OTOA: variants seen among roughly 807,000 people sequenced by gnomAD.
The protein encoded by OTOA is otoancorin, also known as cancer/testis antigen 108.
A neutral mutation model predicts 110.8 loss-of-function variants in OTOA; 70 were observed. That is an observed-to-expected ratio of 0.63 (90% CI 0.52 to 0.77). OTOA has a LOEUF of 0.77. Among genes scored for constraint, OTOA ranks in the 30% least tolerant of loss-of-function variants. The pLI is 0.00. For synonymous variants in OTOA, 373 were observed against 431.5 expected (o/e 0.86, Z 1.68); for missense variants, 917 against 1,075.8 (o/e 0.85, Z 2.06).
rs186658975 is a variant in OTOA at position 21,701,399 on chromosome 16, A to G, written c.980+372A>G. Among the ~76,000 whole-genome samples, 20 of 152,298 alleles carry G rather than the reference A, an allele frequency of 1.3e-4. No homozygotes were observed. The East Asian group carries it at 3.9e-3, about 29-fold the overall frequency. ...TTGAGTCAAGTGTTGGAAATAACTC[A>G]TGGGTCCCCATATATGAGAACCGCT... On this transcript the variant is annotated intron_variant, in intron 11 of 28. Coordinates refer to ENST00000646100, the MANE Select transcript of OTOA (RefSeq NM_144672.4).
intron 1 of OTOA, among the ~76,000 whole-genome samples, chr16:21,667,314 A>G (rs1445406202): frequency 6.6e-6 from 1 of 152,188 alleles, no homozygotes; most frequent in Admixed American, 6.5e-5. Flanking sequence ...AAAATAATCC[A>G]TTTGCATAAC....
rs554593972 is a variant in OTOA at position 21,699,241 on chromosome 16, C to T, written c.840+1366C>T. On this transcript the variant is annotated intron_variant, in intron 10 of 28. Transcript: ENST00000646100. The stretch of plus-strand genomic sequence containing the variant: ...TGCTGGTATTACAGGTGTGAGACAC[C>T]GCACCCAGCCTAAAAAGGAATTTTA... Among the ~76,000 whole-genome samples, 43 of 152,170 alleles carry T rather than the reference C, an allele frequency of 2.8e-4. 1 individual carries two copies. The highest frequency in any genetic ancestry group is 1.0e-3 in the African/African-American group (42 of 41,536).
chr16:21,668,955 A>G (rs1312333396), intron 1 of OTOA, among the ~76,000 whole-genome samples: 2 of 152,028 alleles, frequency 1.3e-5, no homozygotes, highest in East Asian at 1.9e-4. Flanking sequence ...CGTCTTGGCA[A>G]TGGGGGTGCC....
At chr16:21,695,880 TATATATATA>T (rs1339091925) in intron 9 of OTOA, among the ~76,000 whole-genome samples, 5 of 44,866 alleles carry the variant, frequency 1.1e-4, no homozygotes, top group African/African-American at 5.8e-4. Context: ...TATATATATA[TATATATATA>T]TATTTTTTTT....
chr16:21,759,990 G>A (rs1034530216), intron 28 of OTOA, among the ~76,000 whole-genome samples: 2 of 151,854 alleles, frequency 1.3e-5, no homozygotes, highest in African/African-American at 4.8e-5. Flanking sequence ...AAGTGATGAG[G>A]GCCCCTTAAA....
At chr16:21,709,582 A>G (rs1898292400) in intron 12 of OTOA, among the ~76,000 whole-genome samples, 1 of 152,202 alleles carries the variant, frequency 6.6e-6, no homozygotes, top group Non-Finnish European at 1.5e-5. Context: ...AGTGTGGTGT[A>G]GTTATAAAAG....
intron 1 of OTOA, among the ~76,000 whole-genome samples, chr16:21,669,142 G>A (rs1239016904): frequency 6.6e-6 from 1 of 152,002 alleles, no homozygotes; most frequent in Non-Finnish European, 1.5e-5. Context: ...TCATGAGTTT[G>A]AGACCAGCCT....
At chr16:21,716,250 G>A (rs549943711) in intron 14 of OTOA, among the ~76,000 whole-genome samples, 41 of 151,164 alleles carry the variant, frequency 2.7e-4, no homozygotes, top group African/African-American at 9.4e-4. Context: ...TATCAGGTCC[G>A]TTCTGTCCAA....
At chr16:21,703,143 A>G (rs1469406143) in intron 11 of OTOA, among the ~76,000 whole-genome samples, 1 of 152,140 alleles carries the variant, frequency 6.6e-6, no homozygotes, top group Non-Finnish European at 1.5e-5. Context: ...ATCTACTCTT[A>G]GCAATTTTTG....
chr16:21,697,165 T>A (rs988286657), intron 9 of OTOA, among the ~76,000 whole-genome samples: 1 of 149,926 alleles, frequency 6.7e-6, no homozygotes, highest in Non-Finnish European at 1.5e-5. Flanking sequence ...TACAGGTGCC[T>A]GGCCAGAAAG....
intron 19 of OTOA, among the ~76,000 whole-genome samples, chr16:21,727,844 G>A (rs954594997): frequency 1.3e-5 from 2 of 151,324 alleles, no homozygotes; most frequent in Non-Finnish European, 2.9e-5. Flanking sequence ...GAATCTTTAA[G>A]AAGTTTGGGA....
chr16:21,719,368 G>A lies in OTOA; in HGVS notation c.1689-19G>A. 6.2e-7 allele frequency: 1 copy of A among 1,610,646 alleles called. No individual in the cohort carries two copies. The highest frequency in any genetic ancestry group is 8.5e-7 in the Non-Finnish European group (1 of 1,176,940). On this transcript the variant is annotated intron_variant, in intron 16 of 28. Transcript: ENST00000646100. The stretch of plus-strand genomic sequence containing the variant: ...TCCTCACTTCCTTCCTCTCCCGAGT[G>A]CCTTGTTTTGTTTTCTAGTGCTGGG...
In OTOA at chr16:21,728,384, C is replaced by T. The variant is rs1313592548; in HGVS notation, c.2160C>T (p.Asn720=). 5.0e-6 allele frequency: 8 copies of T among 1,614,146 alleles called. No individual in the cohort carries two copies. The highest frequency in any genetic ancestry group is 1.3e-5 in the African/African-American group (1 of 75,040). ...LHGLRDCPDL[N]PEQKAAVRLK... is the part of the protein sequence containing the mutation. ...GCCTCAGAGACTGCCCAGACCTCAA[C>T]CCTGAGCAAAAGGCTGCAGTGAGGC... The change falls in exon 20 of 29, where the codon AAC becomes AAT. Residue 720 remains asparagine (N), a synonymous_variant. Coordinates refer to ENST00000646100, the MANE Select transcript of OTOA (RefSeq NM_144672.4).
intron 12 of OTOA, among the ~76,000 whole-genome samples, chr16:21,707,916 C>T (rs1358212197): frequency 6.6e-6 from 1 of 151,518 alleles, no homozygotes; most frequent in Non-Finnish European, 1.5e-5. Context: ...GCCTCAGCCT[C>T]CTGAGTAGCT....
intron 14 of OTOA, among the ~76,000 whole-genome samples, chr16:21,716,257 C>A (rs893980540): frequency 3.3e-5 from 5 of 151,602 alleles, no homozygotes; most frequent in Admixed American, 2.6e-4. Flanking sequence ...TCCGTTCTGT[C>A]CAATGGCAAA....
Position 21,685,337 on chromosome 16 carries a change from C to T in OTOA, c.375C>T (p.Leu125=), listed in dbSNP as rs770570982. Residue 125 remains leucine (L), a synonymous_variant, in exon 7 of 29, where the codon CTC becomes CTT. Transcript: ENST00000646100. The part of the protein sequence containing the change: ...AQQFRTAMKC[L]LEDKKDGLDL... ...AGTTCCGCACTGCCATGAAATGCCT[C>T]TTAGAAGACAAGAAGGACGGCTTGG... is the stretch of plus-strand genomic sequence containing the variant. 9 of 1,612,608 alleles carry T rather than the reference C, an allele frequency of 5.6e-6. 1 individual carries two copies. In the South Asian group the frequency reaches 7.7e-5, roughly 14 times the overall value.
At chr16:21,688,675 TCC>T (rs1897767584) in intron 8 of OTOA, among the ~76,000 whole-genome samples, 1 of 152,084 alleles carries the variant, frequency 6.6e-6, no homozygotes, top group African/African-American at 2.4e-5. Flanking sequence ...TCTCGCTGTG[TCC>T]CCTTGTGGTG....
chr16:21,714,315 T>TCCTTCCTG (rs1481865555), intron 13 of OTOA, among the ~76,000 whole-genome samples: 42 of 133,706 alleles, frequency 3.1e-4, no homozygotes, highest in African/African-American at 9.0e-4. Context: ...CTTCCTTCCT[T>TCCTTCCTG]CCTTCCTTCC....
intron 14 of OTOA, 127 bp downstream of exon 14, chr16:21,715,279 T>C: frequency 7.9e-7 from 1 of 1,269,742 alleles, no homozygotes; most frequent in South Asian, 1.2e-5. Flanking sequence ...GTGTCTGGGG[T>C]GGCTCTGCCT....
Sources: gnomAD v4.1 joint callset for allele counts (sites outside exome capture counted in the v4.1 genomes callset) on GRCh38, gnomAD v4.1.1 for gene constraint, MANE v1.5 for transcripts, NCBI Gene and HGNC (gene_info 2026-07-23, HGNC 2026-07-21) for gene names.